The following NLRC4 variants were observed in gnomAD, a reference collection of about 807,000 sequenced individuals.
NLRC4 encodes NLR family CARD domain containing 4.
A neutral mutation model predicts 79.9 loss-of-function variants in NLRC4; 63 were observed. That is an observed-to-expected ratio of 0.79 (90% confidence interval 0.64 to 0.97). NLRC4 has a LOEUF of 0.97. NLRC4 is among the 50% of genes least tolerant of loss of function. The pLI, the probability that NLRC4 is intolerant of heterozygous loss-of-function variation, is 0.00. For missense variants in NLRC4, 1,074 were observed against 1,215.2 expected (o/e 0.88, Z 1.73); for synonymous variants, 461 against 456.5 (o/e 1.01, Z -0.12).
At chr2:32,228,168 T>C (rs1686447418) in intron 8 of NLRC4, among the ~76,000 whole-genome samples, 1 of 152,142 alleles carries the variant, frequency 6.6e-6, no homozygotes, top group South Asian at 2.1e-4. Context: ...CATTATAAAG[T>C]AATTAGATGG....
chr2:32,228,591 GA>G (rs1311072616), intron 8 of NLRC4, among the ~76,000 whole-genome samples: 2 of 152,116 alleles, frequency 1.3e-5, no homozygotes, highest in Non-Finnish European at 2.9e-5. Flanking sequence ...AAACTCCAAA[GA>G]CCTAAGTTTT....
rs940326014 is a variant in NLRC4 at position 32,249,596 on chromosome 2, A to T, written c.2257+11T>A. ...AGTGAACAAAGCACAAACCACTGATATTTACAATACCCGGCAGCCGTTGAT... is the reference window on the plus strand; with the variant it reads ...AGTGAACAAAGCACAAACCACTGATTTTTACAATACCCGGCAGCCGTTGAT... On this transcript the variant is annotated intron_variant, in intron 4 of 8. Coordinates refer to ENST00000402280, the MANE Select transcript of NLRC4 (RefSeq NM_001199138.2). 2 of 1,553,546 alleles carry T rather than the reference A, an allele frequency of 1.3e-6. No individual in the cohort carries two copies. Among genetic ancestry groups the T allele is most frequent in the African/African-American group, 1.4e-5 (1 of 72,398 alleles).
At chr2:32,256,700 G>C (rs1687214174) in intron 2 of NLRC4, 75 bp downstream of exon 2, 1 of 753,056 alleles carries the variant, frequency 1.3e-6, no homozygotes, top group South Asian at 1.4e-5. Context: ...GCCATGAACT[G>C]ATTTTCCATT....
At chr2:32,230,973 C>A (rs1371544939) in intron 8 of NLRC4, among the ~76,000 whole-genome samples, 1 of 152,174 alleles carries the variant, frequency 6.6e-6, no homozygotes, top group Admixed American at 6.5e-5. Context: ...CCTAGTGGGT[C>A]TCAGGTGGTA....
chr2:32,251,853 G>A (rs1687086511), intron 3 of NLRC4, among the ~76,000 whole-genome samples: 1 of 152,170 alleles, frequency 6.6e-6, no homozygotes, highest in Non-Finnish European at 1.5e-5. Flanking sequence ...GTTGGAAAAG[G>A]GAGGAGCTTG....
rs866116090 is a variant in NLRC4, at chr2:32,233,358, T to A, written c.2782+2043A>T. ...ATATATATATATATATATTTTTTTT[T>A]TTTTTTTTTTAATTGTAGAGACGAC... On this transcript the variant is annotated intron_variant, in intron 8 of 8. Transcript: ENST00000402280. Among the ~76,000 whole-genome samples the A allele has an allele frequency of 9.5e-3, 1,291 of 136,506 alleles. 7 individuals are homozygous for A. Among genetic ancestry groups the A allele is most frequent in the African/African-American group, 0.015 (515 of 35,154 alleles). The allele number at this position is 136,506 out of a possible 152,430, so 89.6% of individuals were successfully genotyped here.
intron 4 of NLRC4, among the ~76,000 whole-genome samples, chr2:32,244,675 CA>C (rs533981537): frequency 3.9e-5 from 6 of 151,908 alleles, no homozygotes; most frequent in African/African-American, 9.7e-5. Context: ...GCAAACCCCA[CA>C]AAAAAAACCC....
At chr2:32,253,192 C>A (rs1687122609) in intron 2 of NLRC4, among the ~76,000 whole-genome samples, 1 of 151,678 alleles carries the variant, frequency 6.6e-6, no homozygotes, top group Admixed American at 6.6e-5. Context: ...CTGTGTCACC[C>A]AGGCTGGAGT....
At chr2:32,233,833 T>TAG (rs1686610450) in intron 8 of NLRC4, among the ~76,000 whole-genome samples, 1 of 152,164 alleles carries the variant, frequency 6.6e-6, no homozygotes, top group South Asian at 2.1e-4. Context: ...TGATGTTTCT[T>TAG]TGTTGATTCT....
chr2:32,241,254 A>G, intron 4 of NLRC4, 129 bp from the exon 5 acceptor site: 4 of 634,432 alleles, frequency 6.3e-6, no homozygotes, highest in Non-Finnish European at 1.1e-5. Context: ...AATGCTCATG[A>G]AATAGACATA....
rs549981671 is a variant in NLRC4 at position 32,252,459 on chromosome 2, C to A, written c.222G>T (p.Lys74Asn). 6.2e-7 allele frequency: 1 copy of A among 1,611,042 alleles called. No homozygotes were observed. Among genetic ancestry groups the A allele is most frequent in the South Asian group, 1.1e-5 (1 of 91,030 alleles). The change falls in exon 3 of 9, where the codon AAG becomes AAT. Residue 74 changes from lysine (K) to asparagine (N), a missense_variant. Coordinates refer to ENST00000402280, the MANE Select transcript of NLRC4 (RefSeq NM_001199138.2). ...ESCNLFLKSL[K>N]EWNYPLFQDL... ...CCTGAAATAGAGGATAGTTCCACTC[C>A]TTAAGGGATTTAAGAAAGAGGTTAC...
Position 32,261,316 on chromosome 2 carries a change from C to CCCTTTTTTTTTT in NLRC4, c.-119+3421_-119+3422insAAAAAAAAAAGG. Among the ~76,000 whole-genome samples the CCCTTTTTTTTTT allele has an allele frequency of 1.1e-3, 110 of 96,902 alleles. 7 individuals carry two copies. The highest frequency in any genetic ancestry group is 1.8e-3 in the Non-Finnish European group (87 of 48,092). The allele number at this position is 96,902 out of a possible 152,430, so 63.6% of individuals were successfully genotyped here. A position where few individuals can be genotyped will look rare whatever the true frequency, so the allele number is the denominator to read the frequency against. ...TTCTTTCGCCTATTAAGCCTCCCCCCTTTTGTTTTTTTTTGAGATGGAGCC... is the reference window on the plus strand; with the variant it reads ...TTCTTTCGCCTATTAAGCCTCCCCCCCCTTTTTTTTTTTTTTGTTTTTTTTTGAGATGGAGCC... On this transcript the variant is annotated intron_variant, in intron 1 of 8. Transcript: ENST00000402280.
Position 32,250,187 on chromosome 2 carries a change from G to A in NLRC4, c.1677C>T (p.Ile559=), listed in dbSNP as rs746517877. ...ININSFVECG[I]HLYQESTSKS... The stretch of plus-strand genomic sequence containing the variant: ...TGGATGTACTCTCTTGATATAAATG[G>A]ATGCCACACTCTACAAAGGAATTGA... Residue 559 remains isoleucine (I), a synonymous_variant, in exon 4 of 9, where the codon ATC becomes ATT. Transcript: ENST00000402280. The surrounding 1 kb of genome is among the most constrained non-coding windows in gnomAD (Gnocchi z 4.9). 2.5e-6 allele frequency: 4 copies of A among 1,614,158 alleles called. No homozygotes were observed. The highest frequency in any genetic ancestry group is 3.4e-6 in the Non-Finnish European group (4 of 1,180,020).
At position 32,233,349 on chromosome 2, in the gene NLRC4, ATTTTTTTT is replaced by A. The variant is rs1176305976; in HGVS notation, c.2782+2044_2782+2051del. ...TATATATATATATATATATATATATATTTTTTTTTTTTTTTTTTTAATTGTAGAGACGA... is the reference window on the plus strand; with the variant it reads ...TATATATATATATATATATATATATATTTTTTTTTTTAATTGTAGAGACGA... On this transcript the variant is annotated intron_variant, in intron 8 of 8. Coordinates refer to ENST00000402280, the MANE Select transcript of NLRC4 (RefSeq NM_001199138.2). 1.8e-3 allele frequency among the ~76,000 whole-genome samples: 72 copies of A among 41,094 alleles called. 1 individual carries two copies. Among genetic ancestry groups the A allele is most frequent in the African/African-American group, 6.4e-3 (67 of 10,480 alleles). The allele number at this position is 41,094 out of a possible 152,430, so 27.0% of individuals were successfully genotyped here.
intron 4 of NLRC4, 71 bp from the exon 5 acceptor site, chr2:32,241,196 T>C: frequency 1.1e-6 from 1 of 901,828 alleles, no homozygotes; most frequent in Non-Finnish European, 1.8e-6. Context: ...ACTATTACTG[T>C]CATTTTTGTT....
intron 1 of NLRC4, among the ~76,000 whole-genome samples, chr2:32,258,642 C>T (rs1687266261): frequency 6.6e-6 from 1 of 152,168 alleles, no homozygotes; most frequent in Non-Finnish European, 1.5e-5. Context: ...TGTTCTTTAT[C>T]CTATGAGCAA....
intron 8 of NLRC4, among the ~76,000 whole-genome samples, chr2:32,233,176 GGAAGGAAGGAAGGAAGGA>G (rs1558446990): frequency 0.014 from 1,340 of 98,416 alleles, 37 homozygotes; most frequent in Non-Finnish European, 0.022. Flanking sequence ...AAGGAAGGAA[GGAAGGAAGGAAGGAAGGA>G]AGGGAGGGAG....
intron 1 of NLRC4, among the ~76,000 whole-genome samples, chr2:32,261,415 G>A (rs573001427): frequency 2.3e-4 from 33 of 144,832 alleles, no homozygotes; most frequent in East Asian, 2.2e-4. Context: ...GGGTTCAAGC[G>A]ATTCTCCTGC....
chr2:32,235,455 C>A lies in NLRC4; in HGVS notation c.2728G>T (p.Val910Phe), dbSNP rs144418059. Residue 910 changes from valine to phenylalanine, a missense_variant, in exon 8 of 9, where the codon GTC becomes TTC. Coordinates refer to ENST00000402280, the MANE Select transcript of NLRC4 (RefSeq NM_001199138.2). ...CTCCAGTTTTTCAACCCAAGCTTGA[C>A]GAGTTGTGGGACCTCCTCCAAATGT... ...LKHLEEVPQLVKLGLKNWRLT... is the reference protein window; with the variant it reads ...LKHLEEVPQLFKLGLKNWRLT... 3.1e-6 allele frequency: 5 copies of A among 1,613,972 alleles called. No individual in the cohort carries two copies. Among genetic ancestry groups the A allele is most frequent in the African/African-American group, 1.3e-5 (1 of 74,926 alleles).
Sources: allele counts gnomAD v4.1 joint callset (sites outside exome capture counted in the v4.1 genomes callset), GRCh38; gene constraint gnomAD v4.1.1; non-coding constraint Gnocchi (gnomAD v3.1); transcripts MANE v1.5; gene names NCBI Gene and HGNC (gene_info 2026-07-23, HGNC 2026-07-21).